Variants in TMEM185A observed in about 807,000 individuals in gnomAD.
TMEM185A encodes the protein transmembrane protein 185A, also known as family with sequence similarity 11, member A.
A neutral mutation model predicts 25.0 loss-of-function variants in TMEM185A; 9 were observed. The ratio of observed to expected loss-of-function variants is 0.36; its 90% CI spans 0.22 to 0.63. The LOEUF (loss-of-function observed/expected upper bound fraction) is 0.63, where lower values mean the gene tolerates loss of function less well. TMEM185A is among the 20% of genes least tolerant of loss of function. The pLI is 0.68. For missense variants in TMEM185A, 103 were observed against 237.4 expected, an observed-to-expected ratio of 0.43 and a Z score of 3.72; for synonymous variants, 45 against 93.5, an observed-to-expected ratio of 0.48 and a Z score of 2.99.
chrX:149,616,961 A>G (rs782438416), intron 1 of TMEM185A, among the ~76,000 whole-genome samples: 1 of 112,689 alleles, frequency 8.9e-6, no homozygotes, highest in Non-Finnish European at 1.9e-5. Flanking sequence ...AGAGAGTTGG[A>G]AAACAGACCC....
At chrX:149,630,686 T>C (rs782321065) in intron 1 of TMEM185A, among the ~76,000 whole-genome samples, 2 of 111,748 alleles carry the variant, frequency 1.8e-5, no homozygotes, top group East Asian at 2.8e-4. Context: ...ACAAACATTT[T>C]ATATGTGCCT....
At chrX:149,608,333 C>CTTTTT in intron 3 of TMEM185A, 1 of 155,681 alleles carries the variant, frequency 6.4e-6, no homozygotes, top group South Asian at 1.9e-4. Flanking sequence ...TGAAAACATT[C>CTTTTT]TTTTTTTTTT....
chrX:149,613,339 T>G (rs2090094180), intron 1 of TMEM185A, among the ~76,000 whole-genome samples: 1 of 111,919 alleles, frequency 8.9e-6, no homozygotes, highest in African/African-American at 3.3e-5. Context: ...TCAGAGAGAT[T>G]CCAGACTTGA....
chrX:149,608,333 C>CT (rs781794975), intron 3 of TMEM185A: 4,294 of 150,726 alleles, frequency 0.028, 3 homozygotes, highest in Middle Eastern at 0.053. Flanking sequence ...TGAAAACATT[C>CT]TTTTTTTTTT....
chrX:149,605,307 CACTATGGCCTCCCAT>C, intron 3 of TMEM185A: 1 of 62,997 alleles, frequency 1.6e-5, no homozygotes, highest in African/African-American at 1.1e-4. Flanking sequence ...CCTCCCATGT[CACTATGGCCTCCCAT>C]GTCACTTTCT....
At chrX:149,610,522 C>T (rs2090077621) in intron 2 of TMEM185A, among the ~76,000 whole-genome samples, 1 of 105,347 alleles carries the variant, frequency 9.5e-6, no homozygotes, top group African/African-American at 3.4e-5. Context: ...AATTCCTGTA[C>T]TCCTCATTTT....
chrX:149,603,610 A>G (rs1403391218), intron 4 of TMEM185A: 1 of 128,637 alleles, frequency 7.8e-6, no homozygotes, highest in Non-Finnish European at 1.6e-5. Flanking sequence ...AAAATCATTC[A>G]ACACTGGCAA....
intron 3 of TMEM185A, among the ~76,000 whole-genome samples, chrX:149,604,884 A>AG (rs35827008): frequency 0.17 from 19,318 of 110,396 alleles, 2,347 homozygotes; most frequent in African/African-American, 0.43. Flanking sequence ...CTGGCCATCT[A>AG]GATCCCACCA....
intron 2 of TMEM185A, among the ~76,000 whole-genome samples, chrX:149,609,107 A>G (rs1557354120): frequency 8.9e-6 from 1 of 112,655 alleles, no homozygotes; most frequent in Non-Finnish European, 1.9e-5. Context: ...CAAAAGTAAT[A>G]GCCAGTTCTT....
intron 1 of TMEM185A, among the ~76,000 whole-genome samples, chrX:149,627,901 C>G (rs1380209453): frequency 1.8e-5 from 2 of 112,320 alleles, no homozygotes; most frequent in Non-Finnish European, 3.8e-5. Flanking sequence ...GGCCAGGTAG[C>G]TGACTTTAGT....
At chrX:149,610,438 A>G (rs2090076789) in intron 2 of TMEM185A, among the ~76,000 whole-genome samples, 1 of 104,380 alleles carries the variant, frequency 9.6e-6, no homozygotes, top group Non-Finnish European at 2.0e-5. Context: ...CAAAAAAAAA[A>G]AAAAAAAAAA....
intron 1 of TMEM185A, among the ~76,000 whole-genome samples, chrX:149,621,166 T>C (rs150290577): frequency 0.013 from 1,401 of 110,954 alleles, 21 homozygotes; most frequent in African/African-American, 0.044. Context: ...AGATAACATG[T>C]ACAGGTAATT....
chrX:149,602,428 C>G (rs1339422410), intron 4 of TMEM185A, among the ~76,000 whole-genome samples: 1 of 112,430 alleles, frequency 8.9e-6, no homozygotes, highest in Non-Finnish European at 1.9e-5. Context: ...CTTCTCCTGA[C>G]CAGTTCTTGA....
intron 1 of TMEM185A, among the ~76,000 whole-genome samples, chrX:149,611,754 C>T (rs1557354531): frequency 8.9e-6 from 1 of 111,921 alleles, no homozygotes; most frequent in Admixed American, 9.4e-5. Flanking sequence ...GAAATACAGA[C>T]TGTGTCTGAG....
chrX:149,630,347 G>T (rs782580444), intron 1 of TMEM185A, among the ~76,000 whole-genome samples: 1 of 107,518 alleles, frequency 9.3e-6, no homozygotes, highest in Admixed American at 9.8e-5. Context: ...TCAACAAGCA[G>T]CCAAGGCATA....
Position 149,631,652 on chromosome X carries a change from G to A in TMEM185A, c.-72C>T. On this transcript the variant is annotated 5_prime_UTR_variant, in exon 1 of 7. Transcript: ENST00000600449. ...CGTGCTGCACAGCCTGCGCCTTACA[G>A]CGGGTTCATGGCGCCAGCGCCAGCC... The A allele has an allele frequency of 9.9e-7, 1 of 1,012,677 alleles. No homozygotes were observed. Among genetic ancestry groups the A allele is most frequent in the Non-Finnish European group, 1.3e-6 (1 of 759,736 alleles). 83.5% of individuals were successfully genotyped at this position (1,012,677 alleles called of 1,213,427 possible).
intron 1 of TMEM185A, among the ~76,000 whole-genome samples, chrX:149,616,046 G>GCACT (rs1304742456): frequency 1.2e-4 from 13 of 111,651 alleles, no homozygotes; most frequent in African/African-American, 3.9e-4. Flanking sequence ...TTTTATAAGG[G>GCACT]CACTAGTTCC....
At chrX:149,605,799 C>G (rs1340049372) in intron 3 of TMEM185A, among the ~76,000 whole-genome samples, 1 of 112,005 alleles carries the variant, frequency 8.9e-6, no homozygotes, top group Admixed American at 9.4e-5. Context: ...CAACCCCTTA[C>G]TAACCTCCCG....
chrX:149,631,670 C>T lies in TMEM185A; in HGVS notation c.-90G>A. 1 of 921,052 alleles carries T rather than the reference C, an allele frequency of 1.1e-6. No individual in the cohort carries two copies. The highest frequency in any genetic ancestry group is 1.5e-6 in the Non-Finnish European group (1 of 686,514). 75.9% of individuals were successfully genotyped at this position (921,052 alleles called of 1,213,427 possible). A position where few individuals can be genotyped will look rare whatever the true frequency, so the allele number is the denominator to read the frequency against. ...CCTTACAGCGGGTTCATGGCGCCAG[C>T]GCCAGCCGCGTCCACGCTGCTGCTC... On this transcript the variant is annotated 5_prime_UTR_variant, in exon 1 of 7. Transcript: ENST00000600449.
Sources: gnomAD v4.1 joint callset for allele counts (sites outside exome capture counted in the v4.1 genomes callset) on GRCh38, gnomAD v4.1.1 for gene constraint, MANE v1.5 for transcripts, NCBI Gene and HGNC (gene_info 2026-07-23, HGNC 2026-07-21) for gene names.